RAD21L1: variants seen among roughly 807,000 people sequenced by gnomAD.
RAD21L1 encodes double-strand-break repair protein rad21-like protein 1.
Under a neutral mutation model 69.0 loss-of-function variants are expected in RAD21L1, and 47 were observed. The observed-to-expected ratio is 0.68, with a 90% confidence interval of 0.54 to 0.87. The LOEUF (loss-of-function observed/expected upper bound fraction) is 0.87. RAD21L1 is among the 40% of genes least tolerant of loss of function. The probability of loss-of-function intolerance (pLI) is 0.00; values close to 1 mark genes in which losing one functional copy is unlikely to be tolerated. For synonymous variants in RAD21L1, 177 were observed against 205.8 expected (o/e 0.86, Z 1.20); for missense variants, 583 against 647.6 (o/e 0.90, Z 1.08).
chr20:1,245,862 G>A (rs1324449152), intron 11 of RAD21L1, among the ~76,000 whole-genome samples: 1 of 151,904 alleles, frequency 6.6e-6, no homozygotes. Context: ...AATAGAGGTA[G>A]GGGAGTGGGG....
rs552283610 is a variant in RAD21L1 at position 1,234,151 on chromosome 20, A to G, written c.435A>G (p.Glu145=). 3 of 1,544,466 alleles carry G rather than the reference A, an allele frequency of 1.9e-6. No homozygotes were observed. Among genetic ancestry groups the G allele is most frequent in the East Asian group, 2.5e-5 (1 of 40,736 alleles). Residue 145 remains glutamate, a synonymous_variant, in exon 5 of 14, where the codon GAA becomes GAG. Coordinates refer to ENST00000683101, the MANE Select transcript of RAD21L1 (RefSeq NM_001384355.1). ...QSRPEEITLR[E]NFDNDLIFQA... ...GACCAGAAGAAATCACTCTTAGAGA[A>G]AATTTTGACAATGATCTAATTTTCC...
At position 1,231,569 on chromosome 20, in the gene RAD21L1, T is replaced by C; in HGVS notation, c.318T>C (p.Asn106=). The C allele has an allele frequency of 1.3e-6, 2 of 1,541,592 alleles. No individual in the cohort carries two copies. Among genetic ancestry groups the C allele is most frequent in the Non-Finnish European group, 1.8e-6 (2 of 1,140,238 alleles). ...AAGAGAATTTTGAAGCATCTTACAA[T>C]GCTATCACATTGCCAGAAGAATTTC... ...LPKENFEASY[N]AITLPEEFHD... The change falls in exon 4 of 14, where the codon AAT becomes AAC. Residue 106 remains asparagine (N), a synonymous_variant. Transcript: ENST00000683101.
chr20:1,239,515 G>A, intron 7 of RAD21L1, 108 bp downstream of exon 7: 3 of 637,060 alleles, frequency 4.7e-6, no homozygotes, highest in Non-Finnish European at 8.2e-6. Flanking sequence ...AAAGAACAAT[G>A]TCTTTCAGAC....
In RAD21L1 at chr20:1,255,687, C is replaced by T. The variant is rs1449026586; in HGVS notation, c.*1230C>T. ...GTAACCATCTCCACAATTAGGATTC[C>T]AGCAGTAACATCACCCTAAAAAATT... is the stretch of plus-strand genomic sequence containing the variant. On this transcript the variant is annotated 3_prime_UTR_variant, in exon 14 of 14. Transcript: ENST00000683101. Among the ~76,000 whole-genome samples the T allele has an allele frequency of 6.6e-6, 1 of 152,120 alleles. No homozygotes were observed. The highest frequency in any genetic ancestry group is 2.4e-5 in the African/African-American group (1 of 41,402).
chr20:1,229,509 C>G (rs1038884049), intron 2 of RAD21L1, among the ~76,000 whole-genome samples: 2 of 151,872 alleles, frequency 1.3e-5, no homozygotes, highest in Non-Finnish European at 2.9e-5. Context: ...AGCGAGACTC[C>G]GTCTCCAAAA....
At chr20:1,240,191 G>T (rs1341403131) in intron 7 of RAD21L1, 130 bp from the exon 8 acceptor site, 1 of 1,378,166 alleles carries the variant, frequency 7.3e-7, no homozygotes, top group Non-Finnish European at 9.4e-7. Flanking sequence ...ATGGTTCTAA[G>T]AATTCAGATG....
Position 1,246,173 on chromosome 20 carries a change from C to T in RAD21L1, c.1309-40C>T. 9.0e-7 allele frequency: 1 copy of T among 1,115,272 alleles called. No homozygotes were observed. Among genetic ancestry groups the T allele is most frequent in the Non-Finnish European group, 1.3e-6 (1 of 774,544 alleles). 69.1% of individuals were successfully genotyped at this position (1,115,272 alleles called of 1,614,324 possible). ...AAATTAGATTGTTCCTGTATAACCA[C>T]TGGCAGATTTACCTAACTTTCCCTA... On this transcript the variant is annotated intron_variant, in intron 11 of 13. Coordinates refer to ENST00000683101, the MANE Select transcript of RAD21L1 (RefSeq NM_001384355.1). This position sits in a 1 kb window ranked among gnomAD's most constrained non-coding sequence, Gnocchi z 4.6.
At position 1,229,884 on chromosome 20, in the gene RAD21L1, A is replaced by C; in HGVS notation, c.149A>C (p.Lys50Thr). ...TACTTCAAAAATTATTGAAAGGTGA[A>C]AATAGCACTTCGAACTTCAGGACAC... ...TIEKILSPKV[K>T]IALRTSGHLL... The change falls in exon 3 of 14, where the codon AAA becomes ACA. Residue 50 changes from lysine (K) to threonine (T), a missense_variant. Transcript: ENST00000683101. The C allele has an allele frequency of 1.3e-6, 2 of 1,547,852 alleles. No homozygotes were observed. Among genetic ancestry groups the C allele is most frequent in the South Asian group, 1.2e-5 (1 of 83,780 alleles).
At chr20:1,226,629 C>T (rs1266112381) in intron 1 of RAD21L1, among the ~76,000 whole-genome samples, 2 of 151,980 alleles carry the variant, frequency 1.3e-5, no homozygotes, top group East Asian at 3.9e-4. Context: ...CGCTCCCTCC[C>T]CGCCACCGCC....
At chr20:1,241,877 T>C (rs2087614782) in intron 8 of RAD21L1, among the ~76,000 whole-genome samples, 1 of 152,246 alleles carries the variant, frequency 6.6e-6, no homozygotes, top group Non-Finnish European at 1.5e-5. Flanking sequence ...AAAGAAAAGC[T>C]TGACTTCTGC....
intron 6 of RAD21L1, among the ~76,000 whole-genome samples, chr20:1,238,740 C>T (rs1302358408): frequency 6.6e-6 from 1 of 152,086 alleles, no homozygotes; most frequent in Non-Finnish European, 1.5e-5. Context: ...TTACTCTTAA[C>T]ATAGACTATT....
chr20:1,248,546 A>C (rs2087762622), intron 12 of RAD21L1, 80 bp from the exon 13 acceptor site: 1 of 695,814 alleles, frequency 1.4e-6, no homozygotes, highest in Non-Finnish European at 2.4e-6. Context: ...TTTCTTGTAG[A>C]AGCTAACACT....
intron 1 of RAD21L1, 60 bp from the exon 2 acceptor site, chr20:1,228,362 C>T: frequency 1.3e-6 from 1 of 773,440 alleles, no homozygotes; most frequent in Non-Finnish European, 1.9e-6. Context: ...ACATATTTTT[C>T]TTATAGCAAT....
intron 1 of RAD21L1, among the ~76,000 whole-genome samples, chr20:1,227,174 G>T (rs1164370773): frequency 6.6e-6 from 1 of 152,242 alleles, no homozygotes; most frequent in Non-Finnish European, 1.5e-5. Flanking sequence ...GCCTCCCACA[G>T]TGCTGGGATT....
At chr20:1,231,931 C>T (rs932720361) in intron 4 of RAD21L1, among the ~76,000 whole-genome samples, 11 of 152,096 alleles carry the variant, frequency 7.2e-5, no homozygotes, top group African/African-American at 2.7e-4. Context: ...AGCTGCTGGC[C>T]TCATGGATCT....
chr20:1,226,582 C>T (rs1343947678), intron 1 of RAD21L1, among the ~76,000 whole-genome samples: 1 of 152,112 alleles, frequency 6.6e-6, no homozygotes, highest in African/African-American at 2.4e-5. Context: ...CCCAGGGTCC[C>T]CGCCCGGTCC....
At position 1,228,353 on chromosome 20, in the gene RAD21L1, C is replaced by T. The variant is rs915633193; in HGVS notation, c.-32-69C>T. 4.6e-6 allele frequency: 3 copies of T among 658,574 alleles called. No individual in the cohort carries two copies. The African/African-American group carries it at 5.6e-5, about 12-fold the overall frequency. 40.8% of individuals were successfully genotyped at this position (658,574 alleles called of 1,614,324 possible). On this transcript the variant is annotated intron_variant, in intron 1 of 13. Transcript: ENST00000683101. ...TGAATGTTATTTTGTAGAATTAATA[C>T]ATATTTTTCTTATAGCAATAAAAAG...
At chr20:1,241,780 G>A (rs1451764433) in intron 8 of RAD21L1, among the ~76,000 whole-genome samples, 1 of 152,182 alleles carries the variant, frequency 6.6e-6, no homozygotes, top group Non-Finnish European at 1.5e-5. Context: ...CCAGCAAGCA[G>A]GTTCCTGTAC....
Position 1,242,826 on chromosome 20 carries a change from T to C in RAD21L1, c.1064T>C (p.Ile355Thr). ...TLLSTAAQDL[I>T]HAELKMLFTK... ...CTGTCAACTGCTGCCCAGGATTTGA[T>C]TCATGCTGAACTGAAAATGGTAACG... The change falls in exon 9 of 14, where the codon ATT (isoleucine) becomes ACT (threonine). Residue 355 changes from isoleucine to threonine, a missense_variant. Ile to Thr is a moderately conservative substitution (Grantham distance 89, BLOSUM62 -1). Coordinates refer to ENST00000683101, the MANE Select transcript of RAD21L1 (RefSeq NM_001384355.1). 6.4e-7 allele frequency: 1 copy of C among 1,550,990 alleles called. No individual in the cohort carries two copies. Among genetic ancestry groups the C allele is most frequent in the African/African-American group, 1.4e-5 (1 of 73,098 alleles).
Sources: allele counts gnomAD v4.1 joint callset (sites outside exome capture counted in the v4.1 genomes callset), GRCh38; gene constraint gnomAD v4.1.1; non-coding constraint Gnocchi (gnomAD v3.1); transcripts MANE v1.5; gene names NCBI Gene and HGNC (gene_info 2026-07-23, HGNC 2026-07-21).